Variants in CEP170 observed in about 807,000 individuals in gnomAD.
The protein encoded by CEP170 is centrosomal protein of 170 kDa.
CEP170 carries 21 observed loss-of-function variants against 151.9 expected under a neutral mutation model. The ratio of observed to expected loss-of-function variants is 0.14; its 90% confidence interval spans 0.10 to 0.20. The LOEUF is 0.20. Among genes scored for constraint, CEP170 ranks in the 10% least tolerant of loss-of-function variants. The pLI is 1.00. For synonymous variants in CEP170, 356 were observed against 648.8 expected (o/e 0.55, Z 6.86); for missense variants, 964 against 1,892.9 (o/e 0.51, Z 9.11).
At chr1:243,178,354 A>G (rs2059393633) in intron 10 of CEP170, among the ~76,000 whole-genome samples, 1 of 150,408 alleles carries the variant, frequency 6.6e-6, no homozygotes, top group African/African-American at 2.4e-5. Context: ...GTACTGATAC[A>G]GGTTACAACA....
At chr1:243,186,500 A>T in intron 8 of CEP170, 78 bp from the exon 9 acceptor site, 1 of 1,447,096 alleles carries the variant, frequency 6.9e-7, no homozygotes. Flanking sequence ...CAAAAGTGCT[A>T]TTTGTTTTGC....
chr1:243,233,584 T>C (rs1397966965), intron 1 of CEP170, among the ~76,000 whole-genome samples: 1 of 151,450 alleles, frequency 6.6e-6, no homozygotes, highest in Non-Finnish European at 1.5e-5. Flanking sequence ...ATACAAAAAA[T>C]TAGCCGATTG....
chr1:243,221,563 T>G (rs752001974), intron 3 of CEP170, 161 bp downstream of exon 3: 1 of 629,090 alleles, frequency 1.6e-6, no homozygotes, highest in Non-Finnish European at 2.7e-6. Flanking sequence ...AGTTTCATAT[T>G]CTATTGGATG....
At chr1:243,199,690 G>T (rs2060896696) in intron 6 of CEP170, among the ~76,000 whole-genome samples, 1 of 151,820 alleles carries the variant, frequency 6.6e-6, no homozygotes, top group African/African-American at 2.4e-5. Flanking sequence ...TCCAGCCCAA[G>T]GACACAAAAA....
intron 1 of CEP170, among the ~76,000 whole-genome samples, chr1:243,235,847 T>C (rs940044412): frequency 6.6e-6 from 1 of 152,186 alleles, no homozygotes; most frequent in African/African-American, 2.4e-5. Context: ...TAAAAAACAT[T>C]CAATAAAGTG....
At chr1:243,188,185 A>T (rs964837917) in intron 8 of CEP170, among the ~76,000 whole-genome samples, 1 of 152,196 alleles carries the variant, frequency 6.6e-6, no homozygotes, top group Non-Finnish European at 1.5e-5. Flanking sequence ...TTGAAAAGGA[A>T]TCCAGTTTCT....
Position 243,131,915 on chromosome 1 carries a change from G to A in CEP170, c.4320-2462C>T, listed in dbSNP as rs550403671. ...CAGAAGTCTCAGGCTCCTATTCTAT[G>A]AGCCATAACCAATTCCCTAGTACTA... On this transcript the variant is annotated intron_variant, in intron 17 of 19. Coordinates refer to ENST00000366542, the MANE Select transcript of CEP170 (RefSeq NM_014812.3). Among the ~76,000 whole-genome samples, 7 of 152,346 alleles carry A rather than the reference G, an allele frequency of 4.6e-5. No individual in the cohort carries two copies. The South Asian group carries it at 1.0e-3, about 23-fold the overall frequency.
intron 2 of CEP170, 26 bp downstream of exon 2, chr1:243,225,150 C>T: frequency 1.4e-6 from 2 of 1,427,426 alleles, no homozygotes; most frequent in African/African-American, 1.4e-5. Context: ...TGAATAAACA[C>T]ATATAGAGAA....
chr1:243,191,601 C>G, intron 7 of CEP170, 107 bp from the exon 8 acceptor site: 2 of 763,738 alleles, frequency 2.6e-6, no homozygotes, highest in Middle Eastern at 3.7e-4. Context: ...GAAGGCAGAT[C>G]ACAGTCTGGA....
At position 243,134,664 on chromosome 1, in the gene CEP170, A is replaced by AT. The variant is rs774058654; in HGVS notation, c.4319+1478dup. Among the ~76,000 whole-genome samples the AT allele has an allele frequency of 6.2e-3, 837 of 135,710 alleles. 4 individuals are homozygous for AT. Among genetic ancestry groups the AT allele is most frequent in the African/African-American group, 0.015 (564 of 36,920 alleles). 89.0% of individuals were successfully genotyped at this position (135,710 alleles called of 152,430 possible). On this transcript the variant is annotated intron_variant, in intron 17 of 19. Transcript: ENST00000366542. ...AGGCATGTGCCACCATGCCCAGCCA[A>AT]TTTTTTTTTTTTTTTTTTTTAATCT...
At chr1:243,221,294 A>G (rs1350280674) in intron 3 of CEP170, among the ~76,000 whole-genome samples, 1 of 152,170 alleles carries the variant, frequency 6.6e-6, no homozygotes, top group Non-Finnish European at 1.5e-5. Context: ...AAGGGCTGGG[A>G]TGACAGGCGT....
intron 3 of CEP170, among the ~76,000 whole-genome samples, chr1:243,221,121 T>C (rs2062770864): frequency 6.6e-6 from 1 of 152,042 alleles, no homozygotes; most frequent in Non-Finnish European, 1.5e-5. Flanking sequence ...GCCTCCCGGG[T>C]TCACGCCATT....
chr1:243,196,944 A>G (rs2060694153), intron 7 of CEP170, among the ~76,000 whole-genome samples: 1 of 152,132 alleles, frequency 6.6e-6, no homozygotes, highest in South Asian at 2.1e-4. Flanking sequence ...TGGGGGATGC[A>G]TTGGGAGAGA....
chr1:243,131,379 C>T (rs2054385915), intron 17 of CEP170, among the ~76,000 whole-genome samples: 1 of 151,888 alleles, frequency 6.6e-6, no homozygotes, highest in African/African-American at 2.4e-5. Flanking sequence ...GTAGTCCTAG[C>T]TACTAAGAAG....
intron 1 of CEP170, among the ~76,000 whole-genome samples, chr1:243,236,897 T>A (rs1240456263): frequency 1.3e-5 from 2 of 152,342 alleles, no homozygotes; most frequent in Non-Finnish European, 2.9e-5. Context: ...TTCTCTGCCA[T>A]GTGTCTGCAA....
chr1:243,242,517 C>T (rs1203264910), intron 1 of CEP170, among the ~76,000 whole-genome samples: 1 of 152,016 alleles, frequency 6.6e-6, no homozygotes, highest in Non-Finnish European at 1.5e-5. Context: ...CACGCCCGGC[C>T]AATGAGTTAT....
intron 3 of CEP170, among the ~76,000 whole-genome samples, chr1:243,218,896 T>C (rs2062547787): frequency 6.6e-6 from 1 of 152,216 alleles, no homozygotes; most frequent in African/African-American, 2.4e-5. Context: ...CAAGGTGACA[T>C]CAAAGCTGGG....
At chr1:243,213,029 T>A (rs1277523320) in intron 3 of CEP170, among the ~76,000 whole-genome samples, 1 of 152,206 alleles carries the variant, frequency 6.6e-6, no homozygotes, top group Non-Finnish European at 1.5e-5. Context: ...AGTTTTAATA[T>A]TATACATTTC....
intron 1 of CEP170, among the ~76,000 whole-genome samples, chr1:243,235,485 T>G (rs1357503067): frequency 6.6e-6 from 1 of 152,230 alleles, no homozygotes; most frequent in Non-Finnish European, 1.5e-5. Context: ...ACTTGTTTCA[T>G]GCTCATGTGA....
Sources: allele counts gnomAD v4.1 joint callset (sites outside exome capture counted in the v4.1 genomes callset), GRCh38; gene constraint gnomAD v4.1.1; transcripts MANE v1.5; gene names NCBI Gene and HGNC (gene_info 2026-07-23, HGNC 2026-07-21).